Variants in ZNF611 observed in about 807,000 individuals in gnomAD.
ZNF611 encodes the protein zinc finger protein 611.
In ZNF611, 6 loss-of-function variants were observed where a neutral mutation model predicts 8.9. That is an observed-to-expected ratio of 0.68 (90% confidence interval 0.37 to 1.34). ZNF611 has a LOEUF of 1.34. Ranked by LOEUF, ZNF611 falls within the 40% of genes most tolerant of loss-of-function variation. ZNF611 has a pLI of 0.02. For synonymous variants in ZNF611, 262 were observed against 279.7 expected, an observed-to-expected ratio of 0.94 and a Z score of 0.63; for missense variants, 874 against 841.3, an observed-to-expected ratio of 1.04 and a Z score of -0.48.
intron 1 of ZNF611, among the ~76,000 whole-genome samples, chr19:52,734,187 G>GCTTTTT (rs1324698406): frequency 1.2e-5 from 1 of 84,666 alleles, no homozygotes; most frequent in Non-Finnish European, 2.4e-5. Context: ...GCTTTCTTAG[G>GCTTTTT]TTTTTTTTTT....
chr19:52,732,958 T>TATTC (rs1555797516), intron 1 of ZNF611, among the ~76,000 whole-genome samples: 1 of 149,182 alleles, frequency 6.7e-6, no homozygotes, highest in Non-Finnish European at 1.5e-5. Context: ...TGTCTCAAAA[T>TATTC]ATTAATTAAT....
chr19:52,704,300 G>A lies in ZNF611; in HGVS notation c.*637C>T. 1.8e-6 allele frequency: 1 copy of A among 557,792 alleles called. No individual in the cohort carries two copies. The highest frequency in any genetic ancestry group is 3.6e-6 in the Non-Finnish European group (1 of 280,812). The allele number at this position is 557,792 out of a possible 1,614,324, so 34.6% of individuals were successfully genotyped here. On this transcript the variant is annotated 3_prime_UTR_variant, in exon 6 of 6. Transcript: ENST00000652185. ...TTATCTCAAAAATGAATTTTCTGAT[G>A]TTCTGCATGGAGTGATCTTGGACTG...
intron 1 of ZNF611, among the ~76,000 whole-genome samples, chr19:52,732,246 G>C (rs2062430279): frequency 6.6e-6 from 1 of 151,952 alleles, no homozygotes; most frequent in Non-Finnish European, 1.5e-5. Context: ...CTCCAGCCTG[G>C]GTGACAGAGC....
chr19:52,705,508 TCA>T lies in ZNF611; in HGVS notation c.1545_1546del (p.Cys515Ter). ...GCTTGATTTACGACTGAAAACCTTT[TCA>T]CATTCATCACATTTGTAAGGTTGCT... On this transcript the variant is annotated stop_gained and frameshift_variant, in exon 6 of 6. Coordinates refer to ENST00000652185, the MANE Select transcript of ZNF611 (RefSeq NM_001161499.2). LOFTEE classifies it low-confidence loss of function (END_TRUNC). 1 of 1,614,080 alleles carries T rather than the reference TCA, an allele frequency of 6.2e-7. No homozygotes were observed. The highest frequency in any genetic ancestry group is 8.5e-7 in the Non-Finnish European group (1 of 1,180,008).
intron 3 of ZNF611, chr19:52,723,462 G>A (rs2147440857): frequency 6.6e-6 from 1 of 151,800 alleles, no homozygotes; most frequent in South Asian, 2.1e-4. Context: ...CTCCATGTTG[G>A]TCAGGCTGCT....
intron 5 of ZNF611, among the ~76,000 whole-genome samples, chr19:52,709,500 T>G (rs1230742687): frequency 6.6e-6 from 1 of 152,134 alleles, no homozygotes; most frequent in Non-Finnish European, 1.5e-5. Flanking sequence ...CTCAATCTTT[T>G]GACCTCATGA....
chr19:52,714,779 A>G (rs2062305212), intron 4 of ZNF611, among the ~76,000 whole-genome samples: 1 of 147,254 alleles, frequency 6.8e-6, no homozygotes, highest in Non-Finnish European at 1.5e-5. Context: ...ACGGGCAGAT[A>G]ATGTGGTCAA....
chr19:52,706,620 C>A lies in ZNF611; in HGVS notation c.435G>T (p.Arg145Ser), dbSNP rs1457805586. ...LTGSTDQHDH[R>S]HAGNKPIKDQ... ...CTTTAATAGGCTTGTTTCCAGCATG[C>A]CTGTGATCATGTTGGTCTGTGCTAC... The change falls in exon 6 of 6, where the codon AGG (arginine) becomes AGT (serine). Residue 145 changes from arginine (R) to serine (S), a missense_variant. Physicochemically the swap from Arg to Ser is moderately radical, Grantham distance 110 (BLOSUM62 -1). Coordinates refer to ENST00000652185, the MANE Select transcript of ZNF611 (RefSeq NM_001161499.2). 2 of 1,614,080 alleles carry A rather than the reference C, an allele frequency of 1.2e-6. No individual in the cohort carries two copies. The highest frequency in any genetic ancestry group is 2.2e-5 in the East Asian group (1 of 44,876).
chr19:52,721,374 A>C, intron 3 of ZNF611: 1 of 179,174 alleles, frequency 5.6e-6, no homozygotes, highest in Admixed American at 6.4e-5. Flanking sequence ...ACGCCACTGC[A>C]CTCTAGCCTG....
At chr19:52,713,646 C>G (rs1293767995) in intron 5 of ZNF611, among the ~76,000 whole-genome samples, 1 of 152,194 alleles carries the variant, frequency 6.6e-6, no homozygotes, top group Non-Finnish European at 1.5e-5. Flanking sequence ...AATCCCAGCA[C>G]TTTGGGAGGC....
chr19:52,715,732 C>A, intron 4 of ZNF611, 100 bp downstream of exon 4: 1 of 1,564,320 alleles, frequency 6.4e-7, no homozygotes, highest in East Asian at 2.2e-5. Flanking sequence ...GTGAACGTGT[C>A]AGACAAGATG....
chr19:52,709,960 A>G (rs1368451017), intron 5 of ZNF611, among the ~76,000 whole-genome samples: 1 of 152,208 alleles, frequency 6.6e-6, no homozygotes, highest in Non-Finnish European at 1.5e-5. Flanking sequence ...CGGCTGGGCT[A>G]AACCATGAAG....
Position 52,703,995 on chromosome 19 carries a change from A to C in ZNF611, c.*942T>G. Reference sequence around the variant, plus strand: ...TACTGGCTCAAAAAAATAATAGAAAATAAGAAACAAAAAACAGGCTGAGAA... The same window carrying C: ...TACTGGCTCAAAAAAATAATAGAAACTAAGAAACAAAAAACAGGCTGAGAA... On this transcript the variant is annotated 3_prime_UTR_variant, in exon 6 of 6. Coordinates refer to ENST00000652185, the MANE Select transcript of ZNF611 (RefSeq NM_001161499.2). 1 of 185,440 alleles carries C rather than the reference A, an allele frequency of 5.4e-6. No homozygotes were observed. The highest frequency in any genetic ancestry group is 1.1e-5 in the Non-Finnish European group (1 of 87,694). 11.5% of individuals were successfully genotyped at this position (185,440 alleles called of 1,614,324 possible).
chr19:52,719,666 T>C (rs1402283566), intron 3 of ZNF611, among the ~76,000 whole-genome samples: 1 of 152,222 alleles, frequency 6.6e-6, no homozygotes, highest in Non-Finnish European at 1.5e-5. Flanking sequence ...TATACATAGC[T>C]CTTTCTCACC....
intron 3 of ZNF611, among the ~76,000 whole-genome samples, chr19:52,728,066 C>G (rs989843856): frequency 1.3e-5 from 2 of 151,944 alleles, no homozygotes; most frequent in African/African-American, 2.4e-5. Flanking sequence ...GCCACCACAC[C>G]CGGCTAATTT....
intron 3 of ZNF611, chr19:52,721,018 G>A (rs1463526204): frequency 2.6e-5 from 4 of 151,792 alleles, no homozygotes; most frequent in Admixed American, 6.6e-5. Context: ...GGGCGGCCAG[G>A]CAGAGGCGCT....
intron 4 of ZNF611, 130 bp downstream of exon 4, chr19:52,715,702 G>T: frequency 7.0e-7 from 1 of 1,420,362 alleles, no homozygotes; most frequent in Admixed American, 2.0e-5. Context: ...GGAACTGAGG[G>T]CAGGCATGGG....
At chr19:52,731,307 T>C (rs66885028) in intron 1 of ZNF611, among the ~76,000 whole-genome samples, 41,618 of 151,878 alleles carry the variant, frequency 0.27, 5,719 homozygotes, top group Middle Eastern at 0.34. Context: ...CCTTAAGTGA[T>C]TTGCTCCCAA....
At chr19:52,720,055 C>T (rs994218644) in intron 3 of ZNF611, among the ~76,000 whole-genome samples, 7 of 76,380 alleles carry the variant, frequency 9.2e-5, no homozygotes, top group African/African-American at 7.8e-4. Flanking sequence ...CCTGAGTTGA[C>T]ACAGCACGTT....
Sources: gnomAD v4.1 joint callset for allele counts (sites outside exome capture counted in the v4.1 genomes callset) on GRCh38, gnomAD v4.1.1 for gene constraint, MANE v1.5 for transcripts, NCBI Gene and HGNC (gene_info 2026-07-23, HGNC 2026-07-21) for gene names.